Variants in WWP2 observed in about 807,000 individuals in gnomAD.
WWP2 encodes NEDD4-like E3 ubiquitin-protein ligase WWP2.
WWP2 carries 57 observed loss-of-function variants against 121.0 expected under a neutral mutation model. That is an observed-to-expected ratio of 0.47 (90% confidence interval 0.38 to 0.59). WWP2 has a LOEUF of 0.59. Among genes scored for constraint, WWP2 ranks in the 20% least tolerant of loss-of-function variants. The pLI, the probability that WWP2 is intolerant of heterozygous loss-of-function variation, is 0.00. For missense variants in WWP2, 962 were observed against 1,158.9 expected, an observed-to-expected ratio of 0.83 and a Z score of 2.47; for synonymous variants, 449 against 441.3, an observed-to-expected ratio of 1.02 and a Z score of -0.22.
At chr16:69,765,424 C>T (rs2038706637) in intron 1 of WWP2, among the ~76,000 whole-genome samples, 1 of 152,144 alleles carries the variant, frequency 6.6e-6, no homozygotes, top group South Asian at 2.1e-4. Flanking sequence ...TAAGGATCCC[C>T]ACCCTTGTGG....
intron 9 of WWP2, among the ~76,000 whole-genome samples, chr16:69,912,949 AAAAAAAATATATATATATATATAT>A: frequency 3.2e-4 from 1 of 3,170 alleles, no homozygotes; most frequent in Admixed American, 4.9e-3. Context: ...AAAAAAAAAA[AAAAAAAATATATATATATATATAT>A]ATATATATAT....
At chr16:69,916,377 T>C (rs1285906310) in intron 9 of WWP2, among the ~76,000 whole-genome samples, 1 of 152,124 alleles carries the variant, frequency 6.6e-6, no homozygotes, top group Non-Finnish European at 1.5e-5. Context: ...TTAAAAAATA[T>C]TTTTGTAGAG....
rs184829437 is a variant in WWP2, at chr16:69,848,220, G to T, written c.575+6100G>T. On this transcript the variant is annotated intron_variant, in intron 6 of 23. Transcript: ENST00000359154. ...AATCCCAGCGCTTTGGGAGGCTGAG[G>T]TGAGTGGATCACCTGAGGTCGGAAG... 3.3e-5 allele frequency among the ~76,000 whole-genome samples: 5 copies of T among 152,078 alleles called. No homozygotes were observed. The East Asian group carries it at 9.7e-4, about 30-fold the overall frequency.
chr16:69,921,903 G>A (rs765452925), intron 10 of WWP2, among the ~76,000 whole-genome samples: 1 of 151,844 alleles, frequency 6.6e-6, no homozygotes, highest in Admixed American at 6.6e-5. Flanking sequence ...GTGAAACCCT[G>A]TCTCTACTAA....
At chr16:69,843,093 C>T (rs1190303069) in intron 6 of WWP2, among the ~76,000 whole-genome samples, 2 of 152,050 alleles carry the variant, frequency 1.3e-5, no homozygotes, top group African/African-American at 4.8e-5. Context: ...GAACAGGAAA[C>T]TTGACTGCTT....
At chr16:69,839,617 A>G (rs1261277970) in intron 4 of WWP2, among the ~76,000 whole-genome samples, 1 of 152,130 alleles carries the variant, frequency 6.6e-6, no homozygotes, top group Non-Finnish European at 1.5e-5. Context: ...TCCTTATTTC[A>G]AGACAATACA....
At position 69,807,619 on chromosome 16, in the gene WWP2, CAAAAAAAAAA is replaced by C. The variant is rs530408058; in HGVS notation, c.340+8340_340+8349del. 4.1e-4 allele frequency among the ~76,000 whole-genome samples: 19 copies of C among 46,888 alleles called. No individual in the cohort carries two copies. In the Admixed American group the frequency reaches 5.6e-3, roughly 14 times the overall value. 30.8% of individuals were successfully genotyped at this position (46,888 alleles called of 152,430 possible). On this transcript the variant is annotated intron_variant, in intron 4 of 23. Transcript: ENST00000359154. ...GGGTGACAGAGCAAGACCCTTTCTC[CAAAAAAAAAA>C]AAAAAAAAAAAAAAAGAAAAGAAAA...
chr16:69,850,120 C>T (rs896334500), intron 6 of WWP2, among the ~76,000 whole-genome samples: 16 of 152,114 alleles, frequency 1.1e-4, no homozygotes, highest in African/African-American at 3.9e-4. Flanking sequence ...GGCGCAGTGG[C>T]TCACGCCTGT....
chr16:69,915,803 G>A (rs1388789655), intron 9 of WWP2, among the ~76,000 whole-genome samples: 3 of 152,144 alleles, frequency 2.0e-5, no homozygotes, highest in East Asian at 3.8e-4. Flanking sequence ...GGAGGCTGAG[G>A]CGAGAGGATT....
At chr16:69,870,433 T>C (rs2057613642) in intron 6 of WWP2, among the ~76,000 whole-genome samples, 1 of 152,044 alleles carries the variant, frequency 6.6e-6, no homozygotes, top group Non-Finnish European at 1.5e-5. Context: ...CTTGAGTAGC[T>C]GGGACTACAG....
At position 69,806,953 on chromosome 16, in the gene WWP2, TATTCATTCATTC is replaced by T. The variant is rs200681828; in HGVS notation, c.340+7686_340+7697del. ...GATCTGTTTTATTTATTTATTTATTTATTCATTCATTCATTCATTCATTCATTCATTCATTCA... is the reference window on the plus strand; with the variant it reads ...GATCTGTTTTATTTATTTATTTATTTATTCATTCATTCATTCATTCATTCA... On this transcript the variant is annotated intron_variant, in intron 4 of 23. Coordinates refer to ENST00000359154, the MANE Select transcript of WWP2 (RefSeq NM_001270454.2). Among the ~76,000 whole-genome samples, 206 of 146,170 alleles carry T rather than the reference TATTCATTCATTC, an allele frequency of 1.4e-3. 5 individuals are homozygous for T. In the South Asian group the frequency reaches 0.022, roughly 16 times the overall value.
At chr16:69,932,984 C>T (rs2058739454) in intron 16 of WWP2, 1 of 470,302 alleles carries the variant, frequency 2.1e-6, no homozygotes, top group South Asian at 1.6e-5. Context: ...GTGGCGTTGC[C>T]TTCTGCGCTG....
rs1045505545 is a variant in WWP2, at chr16:69,936,448, A to G, written c.2113A>G (p.Ile705Val). The G allele has an allele frequency of 1.2e-6, 2 of 1,613,886 alleles. No individual in the cohort carries two copies. Among genetic ancestry groups the G allele is most frequent in the Non-Finnish European group, 1.7e-6 (2 of 1,180,020 alleles). Residue 705 changes from isoleucine (I) to valine (V), a missense_variant, in exon 19 of 24, where the codon ATC (isoleucine) becomes GTC (valine). Ile to Val is a conservative substitution (Grantham distance 29, BLOSUM62 3). Transcript: ENST00000359154. ...RVTEENKEEYIMLLTDWRFTR... is the reference protein window; with the variant it reads ...RVTEENKEEYVMLLTDWRFTR... ...CACAGAGGAGAACAAGGAAGAGTAC[A>G]TCATGTGAGTCTCAGGCGCCGGGGG...
intron 2 of WWP2, among the ~76,000 whole-genome samples, chr16:69,791,463 G>T (rs911090122): frequency 1.3e-5 from 2 of 152,020 alleles, no homozygotes; most frequent in East Asian, 1.9e-4. Flanking sequence ...CCTGACCTCA[G>T]GTGATCCACC....
intron 6 of WWP2, among the ~76,000 whole-genome samples, chr16:69,851,064 G>C (rs535675912): frequency 1.4e-5 from 2 of 147,168 alleles, no homozygotes; most frequent in African/African-American, 5.1e-5. Context: ...TGGCTGGAGT[G>C]CAGTGGCTCA....
At chr16:69,842,448 C>T (rs991653137) in intron 6 of WWP2, among the ~76,000 whole-genome samples, 2 of 151,980 alleles carry the variant, frequency 1.3e-5, no homozygotes, top group Non-Finnish European at 2.9e-5. Context: ...GAACATAGTA[C>T]CTGATTGGTA....
At chr16:69,883,151 T>C (rs959162209) in intron 7 of WWP2, among the ~76,000 whole-genome samples, 2 of 144,406 alleles carry the variant, frequency 1.4e-5, no homozygotes, top group South Asian at 2.2e-4. Context: ...AGACTCCATC[T>C]CAAAAAAAAA....
At chr16:69,868,623 T>G (rs1346941364) in intron 6 of WWP2, among the ~76,000 whole-genome samples, 2 of 151,776 alleles carry the variant, frequency 1.3e-5, no homozygotes, top group Non-Finnish European at 2.9e-5. Context: ...TAACCAATTT[T>G]CTCCCTCAAG....
chr16:69,810,496 C>T (rs1350366376), intron 4 of WWP2, among the ~76,000 whole-genome samples: 4 of 150,860 alleles, frequency 2.7e-5, no homozygotes, highest in African/African-American at 4.9e-5. Context: ...GGCACAATCT[C>T]GGCTCACTGC....
Sources: gnomAD v4.1 joint callset for allele counts (sites outside exome capture counted in the v4.1 genomes callset) on GRCh38, gnomAD v4.1.1 for gene constraint, MANE v1.5 for transcripts, NCBI Gene and HGNC (gene_info 2026-07-23, HGNC 2026-07-21) for gene names.